The following KIF12 variants were observed in gnomAD, a reference collection of about 807,000 sequenced individuals.
KIF12 encodes kinesin family member 12.
Under a neutral mutation model 87.9 loss-of-function variants are expected in KIF12, and 80 were observed. That is an observed-to-expected ratio of 0.91 (90% CI 0.76 to 1.10). The LOEUF (loss-of-function observed/expected upper bound fraction) is 1.10. Among genes scored for constraint, KIF12 ranks in the 50% least tolerant of loss-of-function variants. The pLI is 0.00. For missense variants in KIF12, 819 were observed against 865.3 expected (o/e 0.95, Z 0.67); for synonymous variants, 353 against 348.5 (o/e 1.01, Z -0.14).
Position 114,098,317 on chromosome 9 carries a change from TC to T in KIF12, c.283del (p.Glu95SerfsTer25). Reference protein sequence around the residue: ...FRACGVRRLGELALRGFSCTV... With the variant: ...FRACGVRRLGXLALRGFSCTV... ...CTTCACTCACCCGCGCAGCGCCAGC[TC>T]CCCCAGGCGCCGCACGCCGCACGCC... On this transcript the variant is annotated frameshift_variant, in exon 4 of 19. Transcript: ENST00000640217. LOFTEE classifies it high-confidence loss of function. The T allele has an allele frequency of 6.8e-7, 1 of 1,465,188 alleles. No individual in the cohort carries two copies. Among genetic ancestry groups the T allele is most frequent in the South Asian group, 1.4e-5 (1 of 71,788 alleles). The allele number at this position is 1,465,188 out of a possible 1,614,324, so 90.8% of individuals were successfully genotyped here. A position where few individuals can be genotyped will look rare whatever the true frequency, so the allele number is the denominator to read the frequency against.
chr9:114,094,266 C>T lies in KIF12; in HGVS notation c.1228G>A (p.Gly410Arg), dbSNP rs1419919187. 6.2e-7 allele frequency: 1 copy of T among 1,613,970 alleles called. No homozygotes were observed. Among genetic ancestry groups the T allele is most frequent in the African/African-American group, 1.3e-5 (1 of 74,932 alleles). The stretch of plus-strand genomic sequence containing the variant: ...CAGGCCACCCGGGCTCCACTGAGCC[C>T]TGAGGCTGCAGGGAAGCAGGAGGTG... ...QLDQMDCKAS[G>R]LSGARVAWAQ... The change falls in exon 13 of 19, where the codon GGG (glycine) becomes AGG (arginine). Residue 410 changes from glycine (G) to arginine (R), a missense_variant. By Grantham distance (125) the Gly-to-Arg change is moderately radical. Coordinates refer to ENST00000640217, the MANE Select transcript of KIF12 (RefSeq NM_001388308.1).
intron 7 of KIF12, among the ~76,000 whole-genome samples, 182 bp from the exon 8 acceptor site, chr9:114,096,660 G>T (rs1458486585): frequency 2.0e-5 from 3 of 152,182 alleles, no homozygotes; most frequent in African/African-American, 7.2e-5. Flanking sequence ...GAGATGGGTG[G>T]ATGGAGGATA....
At position 114,096,181 on chromosome 9, in the gene KIF12, AG is replaced by A; in HGVS notation, c.764del (p.Pro255LeufsTer21). 1 of 1,613,942 alleles carries A rather than the reference AG, an allele frequency of 6.2e-7. No individual in the cohort carries two copies. The highest frequency in any genetic ancestry group is 1.1e-5 in the South Asian group (1 of 91,078). On this transcript the variant is annotated frameshift_variant, in exon 9 of 19. Transcript: ENST00000640217. LOFTEE classifies it high-confidence loss of function. ...QTAQQMPSVDPGEPPVGGKLC... is the reference protein window; with the variant it reads ...QTAQQMPSVDXGEPPVGGKLC... ...GCTTCCCACCAACAGGGGGCTCCCC[AG>A]GGTCCACAGAAGGCATCTGCTGGGC...
In KIF12 at chr9:114,094,440, G is replaced by A. The variant is rs752095690; in HGVS notation, c.1135C>T (p.Gln379Ter). The A allele has an allele frequency of 6.2e-7, 1 of 1,611,888 alleles. No individual in the cohort carries two copies. The highest frequency in any genetic ancestry group is 8.5e-7 in the Non-Finnish European group (1 of 1,178,176). ...ATCTCTGTCTCCAAACGCTGGGGCT[G>A]CTTTGCCACAGGAGACTGTAGGGAA... ...PQAPKSPVAK[Q>*]PQRLETEMLQ... Residue 379 changes from glutamine to a stop codon, truncating the protein, a stop_gained, in exon 12 of 19, where the codon CAG (glutamine) becomes TAG (stop). Transcript: ENST00000640217. LOFTEE classifies it high-confidence loss of function.
intron 9 of KIF12, 121 bp downstream of exon 9, chr9:114,095,930 A>G: frequency 8.8e-7 from 1 of 1,133,844 alleles, no homozygotes; most frequent in Non-Finnish European, 1.2e-6. Flanking sequence ...TGGTTCCTGG[A>G]TCGCAGCTCT....
intron 16 of KIF12, chr9:114,092,980 T>C: frequency 2.2e-6 from 3 of 1,363,530 alleles, no homozygotes; most frequent in Non-Finnish European, 1.9e-6. Context: ...CATAAGTGAG[T>C]AGATATGTGA....
Position 114,098,303 on chromosome 9 carries a change from C to T in KIF12, c.298G>A (p.Gly100Ser). The change falls in exon 4 of 19, where the codon GGT (glycine) becomes AGT (serine). Residue 100 changes from glycine to serine, a missense_variant and splice_region_variant. Gly to Ser is a moderately conservative substitution (Grantham distance 56). Transcript: ENST00000640217. ...VRRLGELALR[G>S]FSCTVFTFGQ... ...GAGCGGAGGCGAAGCTTCACTCACC[C>T]GCGCAGCGCCAGCTCCCCCAGGCGC... is the stretch of plus-strand genomic sequence containing the variant. 1 of 1,468,216 alleles carries T rather than the reference C, an allele frequency of 6.8e-7. No homozygotes were observed. The highest frequency in any genetic ancestry group is 9.0e-7 in the Non-Finnish European group (1 of 1,115,062). The allele number at this position is 1,468,216 out of a possible 1,614,324, so 90.9% of individuals were successfully genotyped here.
intron 16 of KIF12, 158 bp from the exon 17 acceptor site, chr9:114,092,800 G>A (rs755306812): frequency 8.1e-5 from 118 of 1,462,532 alleles, no homozygotes; most frequent in Non-Finnish European, 1.0e-4. Flanking sequence ...CGCCTTCTGT[G>A]TGCAGCAGAT....
In KIF12 at chr9:114,092,635, T is replaced by C. The variant is rs1181231201; in HGVS notation, c.1604A>G (p.Asp535Gly). 1.9e-6 allele frequency: 3 copies of C among 1,588,590 alleles called. No homozygotes were observed. The highest frequency in any genetic ancestry group is 2.6e-6 in the Non-Finnish European group (3 of 1,171,322). The change falls in exon 17 of 19, where the codon GAC becomes GGC. Residue 535 changes from aspartate (D) to glycine (G), a missense_variant. Transcript: ENST00000640217. ...GGGCCTGCCACCTGAGGCCTCAGGG[T>C]CCAACACCTGTAGGAAAGACCAGAG... ...PGEHHLPQVLDPEASGGRPPS... is the reference protein window; with the variant it reads ...PGEHHLPQVLGPEASGGRPPS...
chr9:114,094,457 T>A lies in KIF12; in HGVS notation c.1120-2A>T. 1 of 1,600,082 alleles carries A rather than the reference T, an allele frequency of 6.2e-7. No homozygotes were observed. Among genetic ancestry groups the A allele is most frequent in the East Asian group, 2.2e-5 (1 of 44,806 alleles). On this transcript the variant is annotated splice_acceptor_variant, in intron 11 of 18. Transcript: ENST00000640217. LOFTEE classifies it high-confidence loss of function. ...CTGGGGCTGCTTTGCCACAGGAGAC[T>A]GTAGGGAAAGAGGCCCAGAGCCACC...
rs1847222976 is a variant in KIF12 at position 114,096,225 on chromosome 9, C to T, written c.739-18G>A. ...TGCTGGGCCTGAGGGATCAGAGCTT[C>T]ATGGGGACTTGGGAGGGACCGTCCC... On this transcript the variant is annotated intron_variant, in intron 8 of 18. Transcript: ENST00000640217. 1.9e-6 allele frequency: 3 copies of T among 1,613,280 alleles called. No homozygotes were observed. In the East Asian group the frequency reaches 6.7e-5, roughly 36 times the overall value.
Position 114,097,614 on chromosome 9 carries a change from T to C in KIF12, c.503A>G (p.Asn168Ser), listed in dbSNP as rs1847288658. The C allele has an allele frequency of 3.1e-6, 5 of 1,610,366 alleles. No homozygotes were observed. The highest frequency in any genetic ancestry group is 4.5e-5 in the East Asian group (2 of 44,628). Residue 168 changes from asparagine to serine, a missense_variant, in exon 6 of 19, where the codon AAT (asparagine) becomes AGT (serine). Asn to Ser is a conservative substitution (Grantham distance 46). Coordinates refer to ENST00000640217, the MANE Select transcript of KIF12 (RefSeq NM_001388308.1). ...TLRASYLEIY[N>S]EQVRDLLSLG... The stretch of plus-strand genomic sequence containing the variant: ...TTCCTCTCATTCCCTTACCTGCTCA[T>C]TGTAGATCTCCAGATAAGAGGCGCG...
At chr9:114,099,049 A>T (rs1847371244) in intron 2 of KIF12, 36 bp from the exon 3 acceptor site, 29 of 1,550,222 alleles carry the variant, frequency 1.9e-5, no homozygotes, top group Non-Finnish European at 2.4e-5. Flanking sequence ...GTACATCCTG[A>T]TGTCTTCCTC....
At chr9:114,096,536 G>T (rs1847239755) in intron 7 of KIF12, 58 bp from the exon 8 acceptor site, 4 of 1,387,720 alleles carry the variant, frequency 2.9e-6, no homozygotes, top group East Asian at 4.9e-5. Context: ...CATCATCAAT[G>T]AAGAAAAAGG....
Position 114,092,390 on chromosome 9 carries a change from C to T in KIF12, c.1759G>A (p.Val587Ile). ...LAEMLTEEEV[V>I]PSAPPLPVRP... ...ACAGGCAGGGGAGGTGCAGAAGGTA[C>T]CACCTCCTCCTCCGTCAACATCTCT... The change falls in exon 18 of 19, where the codon GTA (valine) becomes ATA (isoleucine). Residue 587 changes from valine to isoleucine, a missense_variant. By Grantham distance (29) the Val-to-Ile change is conservative. Transcript: ENST00000640217. 3.1e-6 allele frequency: 5 copies of T among 1,612,488 alleles called. No individual in the cohort carries two copies. Among genetic ancestry groups the T allele is most frequent in the Non-Finnish European group, 4.2e-6 (5 of 1,179,432 alleles).
chr9:114,097,854 A>C, intron 5 of KIF12, 113 bp from the exon 6 acceptor site: 1 of 1,243,008 alleles, frequency 8.0e-7, no homozygotes, highest in Non-Finnish European at 1.1e-6. Context: ...ACAATGGCTC[A>C]TTTAATTCAT....
At chr9:114,098,500 G>C (rs61564608) in intron 3 of KIF12, 71 bp from the exon 4 acceptor site, 22,791 of 916,776 alleles carry the variant, frequency 0.025, 112 homozygotes, top group Non-Finnish European at 0.03. Context: ...GCGGGGCACC[G>C]TGGAGGAGGG....
chr9:114,093,389 C>G lies in KIF12; in HGVS notation c.1491+18G>C. ...CATCCCTACTTGTCACCCCTCCAGG[C>G]TGGGCCGTGAGACTCACATGGCAAG... On this transcript the variant is annotated intron_variant, in intron 15 of 18. Transcript: ENST00000640217. The G allele has an allele frequency of 6.4e-7, 1 of 1,558,868 alleles. No individual in the cohort carries two copies. Among genetic ancestry groups the G allele is most frequent in the Non-Finnish European group, 8.7e-7 (1 of 1,150,738 alleles).
chr9:114,098,950 C>T lies in KIF12; in HGVS notation c.156G>A (p.Gly52=). ...GGTTCCTCACCTGCAGAGTCCGGGT[C>T]CCTGAGCAGTGCAGCACGCTCTGCT... is the stretch of plus-strand genomic sequence containing the variant. ...RGQQSVLHCS[G]TRTLQVSPPG... is the part of the protein sequence containing the mutation. The change falls in exon 3 of 19, where the codon GGG becomes GGA. Residue 52 remains glycine (G), a synonymous_variant. Coordinates refer to ENST00000640217, the MANE Select transcript of KIF12 (RefSeq NM_001388308.1). The T allele has an allele frequency of 1.3e-6, 2 of 1,549,460 alleles. No individual in the cohort carries two copies. The highest frequency in any genetic ancestry group is 1.7e-6 in the Non-Finnish European group (2 of 1,146,322).
Sources: gnomAD v4.1 joint callset for allele counts (sites outside exome capture counted in the v4.1 genomes callset) on GRCh38, gnomAD v4.1.1 for gene constraint, MANE v1.5 for transcripts, NCBI Gene and HGNC (gene_info 2026-07-23, HGNC 2026-07-21) for gene names.